Variants in GPR39 observed in about 807,000 individuals in gnomAD.
The protein encoded by GPR39 is G protein-coupled receptor 39, also known as zinc sensing receptor.
In GPR39, 23 loss-of-function variants were observed where a neutral mutation model predicts 18.4. The ratio of observed to expected loss-of-function variants is 1.25; its 90% CI spans 0.90 to 1.77. The LOEUF (loss-of-function observed/expected upper bound fraction) is 1.77. Among genes scored for constraint, GPR39 ranks in the 40% most tolerant of loss-of-function variants. The pLI, the probability that GPR39 is intolerant of heterozygous loss-of-function variation, is 0.00. For missense variants in GPR39, 647 were observed against 602.4 expected, an observed-to-expected ratio of 1.07 and a Z score of -0.78; for synonymous variants, 280 against 257.9, an observed-to-expected ratio of 1.09 and a Z score of -0.82.
rs1558814490 is a variant in GPR39 at position 132,492,641 on chromosome 2, T to TATATATAATATATATA, written c.856+74743_856+74744insATATATAATATATATA. Among the ~76,000 whole-genome samples the TATATATAATATATATA allele has an allele frequency of 4.4e-5, 6 of 135,678 alleles. No individual in the cohort carries two copies. In the East Asian group the frequency reaches 6.5e-4, roughly 15 times the overall value. The allele number at this position is 135,678 out of a possible 152,430, so 89.0% of individuals were successfully genotyped here. On this transcript the variant is annotated intron_variant, in intron 1 of 1. Coordinates refer to ENST00000329321, the MANE Select transcript of GPR39 (RefSeq NM_001508.3). ...ATATATACAATATATATACACACCA[T>TATATATAATATATATA]CTATATATAATATATATACACACCA... is the stretch of plus-strand genomic sequence containing the variant.
At chr2:132,563,556 G>C (rs558577277) in intron 1 of GPR39, among the ~76,000 whole-genome samples, 2 of 152,220 alleles carry the variant, frequency 1.3e-5, no homozygotes, top group African/African-American at 4.8e-5. Context: ...ACAAAAATGA[G>C]ATCCAACAAG....
intron 1 of GPR39, among the ~76,000 whole-genome samples, chr2:132,526,759 A>G (rs1392205202): frequency 6.6e-6 from 1 of 152,146 alleles, no homozygotes. Flanking sequence ...AAGCTCCTAT[A>G]TTAACTGTGC....
chr2:132,499,995 G>T (rs935826820), intron 1 of GPR39, among the ~76,000 whole-genome samples: 3 of 151,990 alleles, frequency 2.0e-5, no homozygotes, highest in Non-Finnish European at 2.9e-5. Context: ...GAGTCTTTAG[G>T]GTTTTCTATG....
chr2:132,481,977 G>A (rs528772493), intron 1 of GPR39, among the ~76,000 whole-genome samples: 1 of 152,206 alleles, frequency 6.6e-6, no homozygotes, highest in South Asian at 2.1e-4. Context: ...CAGCAATAAG[G>A]CCACAGCAGA....
At chr2:132,499,632 T>C (rs1248711324) in intron 1 of GPR39, among the ~76,000 whole-genome samples, 1 of 152,124 alleles carries the variant, frequency 6.6e-6, no homozygotes, top group Non-Finnish European at 1.5e-5. Flanking sequence ...AAGAATTGCA[T>C]TGAATTTGTA....
Position 132,645,906 on chromosome 2 carries a change from A to G in GPR39, c.*300A>G. 1.4e-6 allele frequency: 1 copy of G among 690,058 alleles called. No homozygotes were observed. The highest frequency in any genetic ancestry group is 2.4e-6 in the Non-Finnish European group (1 of 421,300). The allele number at this position is 690,058 out of a possible 1,614,324, so 42.7% of individuals were successfully genotyped here. On this transcript the variant is annotated 3_prime_UTR_variant, in exon 2 of 2. Transcript: ENST00000329321. ...TTTACCGAGCTCTTTCATTATTTGC[A>G]CAGGAACAAAAGAGAACACGGACTC...
intron 1 of GPR39, among the ~76,000 whole-genome samples, chr2:132,533,528 G>A (rs1039794787): frequency 1.2e-4 from 18 of 148,112 alleles, no homozygotes; most frequent in Middle Eastern, 3.4e-3. Flanking sequence ...AAAAGAGCCC[G>A]CATTGCCAAG....
chr2:132,586,285 G>T (rs945462326), intron 1 of GPR39, among the ~76,000 whole-genome samples: 2 of 152,066 alleles, frequency 1.3e-5, no homozygotes, highest in Admixed American at 6.5e-5. Context: ...GCAGCCTGTC[G>T]GTGATTCTGA....
chr2:132,499,549 G>A (rs941565229), intron 1 of GPR39, among the ~76,000 whole-genome samples: 4 of 151,918 alleles, frequency 2.6e-5, no homozygotes, highest in African/African-American at 9.7e-5. Flanking sequence ...CTTTGACTAT[G>A]CGGGCTCTTT....
intron 1 of GPR39, among the ~76,000 whole-genome samples, chr2:132,512,185 T>C (rs1679254118): frequency 6.6e-6 from 1 of 152,178 alleles, no homozygotes; most frequent in African/African-American, 2.4e-5. Flanking sequence ...CTGGTGTACA[T>C]GTAAACTTGG....
chr2:132,528,344 A>G (rs1400305969), intron 1 of GPR39, among the ~76,000 whole-genome samples: 1 of 152,172 alleles, frequency 6.6e-6, no homozygotes. Flanking sequence ...CTTGTGATAT[A>G]GTTTGAACCC....
chr2:132,589,881 G>A (rs1439095097), intron 1 of GPR39, among the ~76,000 whole-genome samples: 3 of 152,194 alleles, frequency 2.0e-5, no homozygotes, highest in Non-Finnish European at 4.4e-5. Flanking sequence ...GTTTTATTAA[G>A]GGAAGGGGGA....
At chr2:132,513,124 C>T (rs1054747539) in intron 1 of GPR39, among the ~76,000 whole-genome samples, 4 of 152,122 alleles carry the variant, frequency 2.6e-5, no homozygotes, top group Non-Finnish European at 5.9e-5. Context: ...CCGTGTGACA[C>T]ATGGTTGGGT....
rs561736643 is a variant in GPR39 at position 132,616,995 on chromosome 2, A to T, written c.857-28106A>T. Among the ~76,000 whole-genome samples, 12 of 152,294 alleles carry T rather than the reference A, an allele frequency of 7.9e-5. No homozygotes were observed. The South Asian group carries it at 1.9e-3, about 24-fold the overall frequency. On this transcript the variant is annotated intron_variant, in intron 1 of 1. Transcript: ENST00000329321. ...CAAACCCATTCATAGAGACATTTTTAAAAAATTTTTTTCCAGTAGCACAGT... is the reference window on the plus strand; with the variant it reads ...CAAACCCATTCATAGAGACATTTTTTAAAAATTTTTTTCCAGTAGCACAGT...
chr2:132,593,136 G>A (rs1680875622), intron 1 of GPR39, among the ~76,000 whole-genome samples: 1 of 152,174 alleles, frequency 6.6e-6, no homozygotes, highest in Non-Finnish European at 1.5e-5. Flanking sequence ...CATCCTTAGG[G>A]ACACATTGCT....
chr2:132,598,017 C>T (rs1680976336), intron 1 of GPR39, among the ~76,000 whole-genome samples: 1 of 152,204 alleles, frequency 6.6e-6, no homozygotes, highest in Non-Finnish European at 1.5e-5. Flanking sequence ...GCTAATCCAT[C>T]AGTAGCTGTT....
At chr2:132,474,627 C>T (rs1477674410) in intron 1 of GPR39, among the ~76,000 whole-genome samples, 2 of 152,188 alleles carry the variant, frequency 1.3e-5, no homozygotes, top group African/African-American at 4.8e-5. Context: ...TAGTCAACTG[C>T]CCATCTATCT....
chr2:132,567,064 G>A (rs1039932412), intron 1 of GPR39, among the ~76,000 whole-genome samples: 2 of 152,228 alleles, frequency 1.3e-5, no homozygotes, highest in African/African-American at 4.8e-5. Context: ...CAGGTGTGGT[G>A]GCTCATGCCT....
chr2:132,637,474 T>C (rs1378895416), intron 1 of GPR39, among the ~76,000 whole-genome samples: 1 of 152,236 alleles, frequency 6.6e-6, no homozygotes, highest in Admixed American at 6.5e-5. Context: ...ACCGTCTGTC[T>C]TCATGGACAG....
Sources: gnomAD v4.1 joint callset for allele counts (sites outside exome capture counted in the v4.1 genomes callset) on GRCh38, gnomAD v4.1.1 for gene constraint, MANE v1.5 for transcripts, NCBI Gene and HGNC (gene_info 2026-07-23, HGNC 2026-07-21) for gene names.